Variants in GK5 observed in about 807,000 individuals in gnomAD.
GK5 encodes glycerol kinase 5.
GK5 carries 39 observed loss-of-function variants against 77.3 expected under a neutral mutation model. The ratio of observed to expected loss-of-function variants is 0.50; its 90% CI spans 0.39 to 0.66. The LOEUF (loss-of-function observed/expected upper bound fraction) is 0.66. GK5 is among the 30% of genes least tolerant of loss of function. GK5 has a pLI of 0.00. For missense variants in GK5, 487 were observed against 633.8 expected, an observed-to-expected ratio of 0.77 and a Z score of 2.49; for synonymous variants, 211 against 208.0, an observed-to-expected ratio of 1.01 and a Z score of -0.13.
chr3:142,212,824 A>ATTTTCTTTTCTT (rs2064207156), intron 3 of GK5, among the ~76,000 whole-genome samples: 1 of 129,942 alleles, frequency 7.7e-6, no homozygotes, highest in African/African-American at 3.0e-5. Context: ...ATAGACAAAT[A>ATTTTCTTTTCTT]TTTTCTTTTT....
At chr3:142,182,034 T>G (rs573124276) in intron 10 of GK5, among the ~76,000 whole-genome samples, 2 of 152,310 alleles carry the variant, frequency 1.3e-5, no homozygotes, top group Admixed American at 1.3e-4. Context: ...TCTAATAGAA[T>G]TATCAACATT....
At chr3:142,188,624 A>G (rs903920308) in intron 5 of GK5, among the ~76,000 whole-genome samples, 2 of 152,274 alleles carry the variant, frequency 1.3e-5, no homozygotes, top group Non-Finnish European at 2.9e-5. Context: ...CAGCAAATTA[A>G]AAATGGTTTT....
chr3:142,173,139 T>C (rs2063560621), intron 12 of GK5: 1 of 421,960 alleles, frequency 2.4e-6, no homozygotes, highest in Middle Eastern at 7.1e-4. Flanking sequence ...GGTTTGAGGC[T>C]GCAATGAGCC....
At chr3:142,166,593 G>A (rs1381145536) in intron 15 of GK5, among the ~76,000 whole-genome samples, 1 of 152,086 alleles carries the variant, frequency 6.6e-6, no homozygotes, top group Non-Finnish European at 1.5e-5. Flanking sequence ...GAGTAGAGTG[G>A]TGCGATCTCA....
chr3:142,187,328 G>T (rs2063786537), intron 6 of GK5, among the ~76,000 whole-genome samples: 1 of 152,040 alleles, frequency 6.6e-6, no homozygotes, highest in African/African-American at 2.4e-5. Flanking sequence ...TTCTGACCAG[G>T]TGCAGTGGCT....
chr3:142,209,298 G>A (rs936780978), intron 3 of GK5, among the ~76,000 whole-genome samples: 1 of 152,190 alleles, frequency 6.6e-6, no homozygotes, highest in Non-Finnish European at 1.5e-5. Context: ...CCAACAAAAT[G>A]TGCTATATGT....
rs530217904 is a variant in GK5 at position 142,157,641 on chromosome 3, T to C, written c.*7981A>G. 29 of 152,382 alleles carry C rather than the reference T, an allele frequency of 1.9e-4. No homozygotes were observed. Among genetic ancestry groups the C allele is most frequent in the African/African-American group, 7.0e-4 (29 of 41,592 alleles). 9.4% of individuals were successfully genotyped at this position (152,382 alleles called of 1,614,324 possible). The stretch of plus-strand genomic sequence containing the variant: ...AAAGGATTTTTAACATCTGCTAGGC[T>C]AATTCCATCATATTAGTATATGAAA... On this transcript the variant is annotated 3_prime_UTR_variant, in exon 16 of 16. Coordinates refer to ENST00000392993, the MANE Select transcript of GK5 (RefSeq NM_001039547.3).
rs530956746 is a variant in GK5 at position 142,170,411 on chromosome 3, G to C, written c.1355C>G (p.Ser452Ter). ...GTCTATATTCTCATTAATCAGGTCT[G>C]AAGTCATCTGCATGACAAAACCATT... ...CKNGFVMQMT[S>*]DLINENIDRP... The change falls in exon 15 of 16, where the codon TCA (serine) becomes TGA (stop). Residue 452 changes from serine (S) to a stop codon, truncating the protein, a stop_gained. Transcript: ENST00000392993. LOFTEE classifies it high-confidence loss of function. 6.2e-7 allele frequency: 1 copy of C among 1,613,816 alleles called. No individual in the cohort carries two copies. Among genetic ancestry groups the C allele is most frequent in the East Asian group, 2.2e-5 (1 of 44,868 alleles).
In GK5 at chr3:142,162,925, G is replaced by C. The variant is rs943030974; in HGVS notation, c.*2697C>G. On this transcript the variant is annotated 3_prime_UTR_variant, in exon 16 of 16. Coordinates refer to ENST00000392993, the MANE Select transcript of GK5 (RefSeq NM_001039547.3). ...GCAGGAGGACTGCTTGAGCCCAGGAGAGGGAGGTTGCAGTGAGCCGAGATC... is the reference window on the plus strand; with the variant it reads ...GCAGGAGGACTGCTTGAGCCCAGGACAGGGAGGTTGCAGTGAGCCGAGATC... 1.3e-5 allele frequency: 2 copies of C among 151,268 alleles called. No individual in the cohort carries two copies. Among genetic ancestry groups the C allele is most frequent in the African/African-American group, 4.9e-5 (2 of 41,210 alleles). 9.4% of individuals were successfully genotyped at this position (151,268 alleles called of 1,614,324 possible). A position where few individuals can be genotyped will look rare whatever the true frequency, so the allele number is the denominator to read the frequency against.
Position 142,159,847 on chromosome 3 carries a change from C to CTTTTTTTTTTTTTTTTTTT in GK5, c.*5774_*5775insAAAAAAAAAAAAAAAAAAA, listed in dbSNP as rs1407448771. 258 of 103,022 alleles carry CTTTTTTTTTTTTTTTTTTT rather than the reference C, an allele frequency of 2.5e-3. 13 individuals carry two copies. The highest frequency in any genetic ancestry group is 9.5e-3 in the African/African-American group (239 of 25,028). 6.4% of individuals were successfully genotyped at this position (103,022 alleles called of 1,614,324 possible). On this transcript the variant is annotated 3_prime_UTR_variant, in exon 16 of 16. Coordinates refer to ENST00000392993, the MANE Select transcript of GK5 (RefSeq NM_001039547.3). Reference sequence around the variant, plus strand: ...TGGGGCTTTCTCTCTCTCTCTCTCTCTCTCTCTTTTTTTTTTTTGAGACAG... The same window carrying CTTTTTTTTTTTTTTTTTTT: ...TGGGGCTTTCTCTCTCTCTCTCTCTCTTTTTTTTTTTTTTTTTTTTCTCTCTTTTTTTTTTTTGAGACAG...
intron 3 of GK5, among the ~76,000 whole-genome samples, chr3:142,205,226 C>A (rs1035227928): frequency 6.6e-6 from 1 of 152,152 alleles, no homozygotes; most frequent in Non-Finnish European, 1.5e-5. Context: ...AACATGCTTA[C>A]CAAAATCTCT....
intron 1 of GK5, among the ~76,000 whole-genome samples, chr3:142,221,309 A>G (rs1025950504): frequency 6.6e-6 from 1 of 152,230 alleles, no homozygotes; most frequent in Non-Finnish European, 1.5e-5. Context: ...AGACTGTAAT[A>G]GTTTAACTAC....
chr3:142,204,808 A>G lies in GK5; in HGVS notation c.318-20T>C. The G allele has an allele frequency of 3.1e-6, 4 of 1,305,918 alleles. No individual in the cohort carries two copies. The highest frequency in any genetic ancestry group is 2.3e-5 in the East Asian group (1 of 43,402). 80.9% of individuals were successfully genotyped at this position (1,305,918 alleles called of 1,614,324 possible). The stretch of plus-strand genomic sequence containing the variant: ...GTTTTCCTAGAAAGAATAAAACAGT[A>G]TTTTGAGACCCAGCATAAATCAGAG... On this transcript the variant is annotated intron_variant, in intron 3 of 15. Transcript: ENST00000392993.
chr3:142,167,832 C>T (rs200004873), intron 15 of GK5, among the ~76,000 whole-genome samples: 5 of 152,040 alleles, frequency 3.3e-5, no homozygotes, highest in African/African-American at 1.2e-4. Context: ...GCCAACATGG[C>T]GAAACCCCAT....
intron 9 of GK5, chr3:142,184,942 G>C (rs569669398): frequency 5.2e-5 from 51 of 985,406 alleles, no homozygotes; most frequent in Admixed American, 6.1e-5. Flanking sequence ...CCTATGCCTA[G>C]ATTGAATAAG....
Position 142,165,162 on chromosome 3 carries a change from T to C in GK5, c.*460A>G, listed in dbSNP as rs1365675480. 6.5e-6 allele frequency: 1 copy of C among 152,930 alleles called. No homozygotes were observed. The highest frequency in any genetic ancestry group is 1.5e-5 in the Non-Finnish European group (1 of 68,206). 9.5% of individuals were successfully genotyped at this position (152,930 alleles called of 1,614,324 possible). ...GTTTCAAAATTCCACATTTTCTCAG[T>C]TATTCTTTCTTTTTAGCTATATGTA... On this transcript the variant is annotated 3_prime_UTR_variant, in exon 16 of 16. Transcript: ENST00000392993.
In GK5 at chr3:142,159,853, C is replaced by CTCTTTTTTTT. The variant is rs1553825247; in HGVS notation, c.*5768_*5769insAAAAAAAAGA. ...TTTCTCTCTCTCTCTCTCTCTCTCTCTTTTTTTTTTTTGAGACAGAGTCTC... is the reference window on the plus strand; with the variant it reads ...TTTCTCTCTCTCTCTCTCTCTCTCTCTCTTTTTTTTTTTTTTTTTTTTGAGACAGAGTCTC... On this transcript the variant is annotated 3_prime_UTR_variant, in exon 16 of 16. Transcript: ENST00000392993. 1.9e-5 allele frequency: 2 copies of CTCTTTTTTTT among 106,128 alleles called. No individual in the cohort carries two copies. The highest frequency in any genetic ancestry group is 6.3e-4 in the South Asian group (2 of 3,194). The allele number at this position is 106,128 out of a possible 1,614,324, so 6.6% of individuals were successfully genotyped here. A position where few individuals can be genotyped will look rare whatever the true frequency, so the allele number is the denominator to read the frequency against.
intron 5 of GK5, among the ~76,000 whole-genome samples, chr3:142,198,142 C>T (rs1050026710): frequency 7.3e-5 from 11 of 151,362 alleles, no homozygotes; most frequent in Admixed American, 1.3e-4. Context: ...CAGCTAAAAA[C>T]AGGAAATAAC....
rs1194088511 is a variant in GK5 at position 142,160,590 on chromosome 3, G to T, written c.*5032C>A. ...TTAAAATTCAATCTGTTAGTCATCT[G>T]CAGTCAAATATATAAAACCTGTGAA... On this transcript the variant is annotated 3_prime_UTR_variant, in exon 16 of 16. Coordinates refer to ENST00000392993, the MANE Select transcript of GK5 (RefSeq NM_001039547.3). 1 of 152,164 alleles carries T rather than the reference G, an allele frequency of 6.6e-6. No homozygotes were observed. Among genetic ancestry groups the T allele is most frequent in the East Asian group, 1.9e-4 (1 of 5,202 alleles). The allele number at this position is 152,164 out of a possible 1,614,324, so 9.4% of individuals were successfully genotyped here. A position where few individuals can be genotyped will look rare whatever the true frequency, so the allele number is the denominator to read the frequency against.
Sources: allele counts gnomAD v4.1 joint callset (sites outside exome capture counted in the v4.1 genomes callset), GRCh38; gene constraint gnomAD v4.1.1; transcripts MANE v1.5; gene names NCBI Gene and HGNC (gene_info 2026-07-23, HGNC 2026-07-21).